PLCXD3: variants seen among roughly 807,000 people sequenced by gnomAD.
The protein encoded by PLCXD3 is phosphatidylinositol specific phospholipase C X domain containing 3, also known as PI-PLC X domain-containing protein 3.
A neutral mutation model predicts 25.5 loss-of-function variants in PLCXD3; 19 were observed. The ratio of observed to expected loss-of-function variants is 0.75; its 90% confidence interval spans 0.52 to 1.09. The LOEUF (loss-of-function observed/expected upper bound fraction) is 1.09. Ranked by LOEUF, PLCXD3 falls within the 50% of genes least tolerant of loss-of-function variation. The pLI, the probability that PLCXD3 is intolerant of heterozygous loss-of-function variation, is 0.00. For synonymous variants in PLCXD3, 174 were observed against 137.6 expected, an observed-to-expected ratio of 1.26 and a Z score of -1.85; for missense variants, 411 against 388.1, an observed-to-expected ratio of 1.06 and a Z score of -0.50.
chr5:41,422,366 C>T (rs1044404436), intron 1 of PLCXD3, among the ~76,000 whole-genome samples: 1 of 152,140 alleles, frequency 6.6e-6, no homozygotes, highest in Non-Finnish European at 1.5e-5. Context: ...TTTAATCTTA[C>T]CTTTGACTTT....
At chr5:41,316,972 C>T (rs1743316454) in intron 2 of PLCXD3, among the ~76,000 whole-genome samples, 1 of 152,220 alleles carries the variant, frequency 6.6e-6, no homozygotes, top group Non-Finnish European at 1.5e-5. Context: ...CTGGCTTTGC[C>T]ACCTGCTGAT....
chr5:41,324,964 G>A lies in PLCXD3; in HGVS notation c.813-11194C>T, dbSNP rs574955033. Among the ~76,000 whole-genome samples the A allele has an allele frequency of 2.0e-5, 3 of 152,210 alleles. No homozygotes were observed. The East Asian group carries it at 5.8e-4, about 29-fold the overall frequency. On this transcript the variant is annotated intron_variant, in intron 2 of 2. Transcript: ENST00000377801. Reference sequence around the variant, plus strand: ...GTACTACGTCATGGGAGGTTCCTGAGCAACCATATTCACGTCTCAGAACCT... The same window carrying A: ...GTACTACGTCATGGGAGGTTCCTGAACAACCATATTCACGTCTCAGAACCT...
chr5:41,316,855 T>A (rs1263179484), intron 2 of PLCXD3, among the ~76,000 whole-genome samples: 3 of 152,158 alleles, frequency 2.0e-5, no homozygotes, highest in Non-Finnish European at 4.4e-5. Context: ...GGATACCAGA[T>A]AAATTTCTAA....
intron 2 of PLCXD3, among the ~76,000 whole-genome samples, chr5:41,346,128 G>A (rs1176767454): frequency 6.6e-6 from 1 of 152,108 alleles, no homozygotes; most frequent in East Asian, 1.9e-4. Flanking sequence ...TGATCCGCCC[G>A]CCTCGGCCTC....
At chr5:41,321,246 G>T (rs1743463107) in intron 2 of PLCXD3, among the ~76,000 whole-genome samples, 2 of 152,198 alleles carry the variant, frequency 1.3e-5, no homozygotes, top group Admixed American at 1.3e-4. Flanking sequence ...CAATAAATTT[G>T]CAGTATACAA....
chr5:41,423,008 T>A (rs1438516564), intron 1 of PLCXD3, among the ~76,000 whole-genome samples: 2 of 152,102 alleles, frequency 1.3e-5, no homozygotes, highest in African/African-American at 4.8e-5. Context: ...TATTAATTTT[T>A]TAAAAAAAAT....
chr5:41,443,426 G>A (rs1449694715), intron 1 of PLCXD3, among the ~76,000 whole-genome samples: 3 of 151,996 alleles, frequency 2.0e-5, no homozygotes, highest in Non-Finnish European at 4.4e-5. Context: ...GCCTAACAAT[G>A]TATTTCTCAG....
chr5:41,391,327 G>A (rs890756551), intron 1 of PLCXD3, among the ~76,000 whole-genome samples: 7 of 152,094 alleles, frequency 4.6e-5, no homozygotes, highest in Non-Finnish European at 8.8e-5. Context: ...TTGAGGAAAG[G>A]GAAGAGTTGA....
intron 1 of PLCXD3, among the ~76,000 whole-genome samples, chr5:41,441,900 T>C (rs994083903): frequency 3.3e-5 from 5 of 152,308 alleles, no homozygotes; most frequent in South Asian, 2.1e-4. Context: ...TCAGAAAAAA[T>C]TTTAACTCTT....
intron 2 of PLCXD3, among the ~76,000 whole-genome samples, chr5:41,376,900 T>C (rs1341004821): frequency 6.6e-6 from 1 of 152,120 alleles, no homozygotes; most frequent in Non-Finnish European, 1.5e-5. Flanking sequence ...TCGGTCTACC[T>C]GAATGTACTG....
At chr5:41,434,938 G>A (rs1484821829) in intron 1 of PLCXD3, among the ~76,000 whole-genome samples, 1 of 152,020 alleles carries the variant, frequency 6.6e-6, no homozygotes, top group Non-Finnish European at 1.5e-5. Flanking sequence ...TATAATTTTT[G>A]TTCTCCTTAA....
At position 41,355,247 on chromosome 5, in the gene PLCXD3, A is replaced by G. The variant is rs186689715; in HGVS notation, c.812+26579T>C. 4.2e-3 allele frequency among the ~76,000 whole-genome samples: 634 copies of G among 152,350 alleles called. 2 individuals are homozygous for G. The highest frequency in any genetic ancestry group is 7.7e-3 in the Non-Finnish European group (526 of 68,040). On this transcript the variant is annotated intron_variant, in intron 2 of 2. Coordinates refer to ENST00000377801, the MANE Select transcript of PLCXD3 (RefSeq NM_001005473.3). Reference sequence around the variant, plus strand: ...AAATACCCGTGGAGTTTTACATAACATATCTCCTAATCTGATGGATTATGG... The same window carrying G: ...AAATACCCGTGGAGTTTTACATAACGTATCTCCTAATCTGATGGATTATGG...
At chr5:41,457,707 T>G (rs75410020) in intron 1 of PLCXD3, among the ~76,000 whole-genome samples, 2,309 of 152,020 alleles carry the variant, frequency 0.015, 65 homozygotes, top group African/African-American at 0.053. Context: ...TTTTGAAACT[T>G]TCCCATGGGA....
chr5:41,382,683 A>C lies in PLCXD3; in HGVS notation c.104-149T>G, dbSNP rs1745507950. ...TACTAGTTATTTTTTATGCCTTAGG[A>C]GGGTCCTTTATATAAATTGACATAA... On this transcript the variant is annotated intron_variant, in intron 1 of 2. Transcript: ENST00000377801. 8.3e-6 allele frequency: 5 copies of C among 604,598 alleles called. No homozygotes were observed. The South Asian group carries it at 1.4e-4, about 16-fold the overall frequency. The allele number at this position is 604,598 out of a possible 1,614,324, so 37.5% of individuals were successfully genotyped here.
At chr5:41,404,451 C>A (rs1481359398) in intron 1 of PLCXD3, among the ~76,000 whole-genome samples, 1 of 151,598 alleles carries the variant, frequency 6.6e-6, no homozygotes, top group African/African-American at 2.4e-5. Context: ...GATAGCTATG[C>A]AAGCACATAA....
chr5:41,413,509 CA>C (rs1382154052), intron 1 of PLCXD3, among the ~76,000 whole-genome samples: 1 of 151,914 alleles, frequency 6.6e-6, no homozygotes, highest in African/African-American at 2.4e-5. Context: ...TGAATGTTTT[CA>C]AAAAAATGGT....
intron 2 of PLCXD3, among the ~76,000 whole-genome samples, chr5:41,376,196 G>C (rs1008543761): frequency 6.6e-6 from 1 of 152,050 alleles, no homozygotes; most frequent in Non-Finnish European, 1.5e-5. Context: ...CAACTCCAAG[G>C]GATGTCATCC....
chr5:41,388,498 A>T (rs1363557117), intron 1 of PLCXD3, among the ~76,000 whole-genome samples: 4 of 152,054 alleles, frequency 2.6e-5, no homozygotes, highest in Admixed American at 6.6e-5. Flanking sequence ...TGGTACCCTC[A>T]TTCATTTGAT....
chr5:41,328,325 G>A (rs908178079), intron 2 of PLCXD3, among the ~76,000 whole-genome samples: 34 of 152,254 alleles, frequency 2.2e-4, no homozygotes, highest in African/African-American at 8.2e-4. Flanking sequence ...TCTGAGAGCT[G>A]GGGATTAACA....
Sources: gnomAD v4.1 joint callset for allele counts (sites outside exome capture counted in the v4.1 genomes callset) on GRCh38, gnomAD v4.1.1 for gene constraint, MANE v1.5 for transcripts, NCBI Gene and HGNC (gene_info 2026-07-23, HGNC 2026-07-21) for gene names.